Variants in CLCN3 observed in about 807,000 individuals in gnomAD.
The protein encoded by CLCN3 is H(+)/Cl(-) exchange transporter 3.
CLCN3 carries 16 observed loss-of-function variants against 83.4 expected under a neutral mutation model. That is an observed-to-expected ratio of 0.19 (90% CI 0.13 to 0.29). The LOEUF is 0.29. Ranked by LOEUF, CLCN3 falls within the 10% of genes least tolerant of loss-of-function variation. The probability of loss-of-function intolerance (pLI) is 1.00; values close to 1 mark genes in which losing one functional copy is unlikely to be tolerated. For synonymous variants in CLCN3, 322 were observed against 346.2 expected (o/e 0.93, Z 0.78); for missense variants, 544 against 1,006.0 (o/e 0.54, Z 6.21).
intron 1 of CLCN3, among the ~76,000 whole-genome samples, chr4:169,630,682 C>T (rs1773346898): frequency 6.6e-6 from 1 of 152,130 alleles, no homozygotes; most frequent in South Asian, 2.1e-4. Context: ...AGACACCTGC[C>T]ATCACTCCCG....
At chr4:169,690,690 A>G in intron 6 of CLCN3, 38 bp downstream of exon 6, 1 of 1,573,040 alleles carries the variant, frequency 6.4e-7, no homozygotes, top group Non-Finnish European at 8.7e-7. Flanking sequence ...AAACATTATT[A>G]TGATGCTTAT....
At position 169,710,328 on chromosome 4, in the gene CLCN3, G is replaced by A. The variant is rs376596577; in HGVS notation, c.2150-2751G>A. On this transcript the variant is annotated intron_variant, in intron 11 of 12. Coordinates refer to ENST00000513761, the MANE Select transcript of CLCN3 (RefSeq NM_001829.4). Reference sequence around the variant, plus strand: ...TTCTCAGGCTGGAATGCAGTGGCACGATCTTGGCTTACTTGATCCTCGACT... The same window carrying A: ...TTCTCAGGCTGGAATGCAGTGGCACAATCTTGGCTTACTTGATCCTCGACT... Among the ~76,000 whole-genome samples, 8 of 152,240 alleles carry A rather than the reference G, an allele frequency of 5.3e-5. No individual in the cohort carries two copies. In the South Asian group the frequency reaches 6.2e-4, roughly 12 times the overall value.
chr4:169,716,895 C>G (rs1581293263), intron 12 of CLCN3, among the ~76,000 whole-genome samples: 1 of 152,094 alleles, frequency 6.6e-6, no homozygotes, highest in Admixed American at 6.5e-5. Context: ...AAGGAAATGT[C>G]CAGTCATCCT....
intron 2 of CLCN3, among the ~76,000 whole-genome samples, chr4:169,655,950 T>G (rs1350226763): frequency 6.6e-6 from 1 of 152,228 alleles, no homozygotes; most frequent in Non-Finnish European, 1.5e-5. Context: ...TTTTTTCCAT[T>G]TATTTTCTGG....
chr4:169,697,807 T>G (rs935560766), intron 9 of CLCN3, 73 bp downstream of exon 9: 6 of 973,020 alleles, frequency 6.2e-6, no homozygotes, highest in Middle Eastern at 4.8e-4. Context: ...TGAGAGAGGT[T>G]GTTGTTTCAT....
chr4:169,675,935 T>C (rs1731658670), intron 2 of CLCN3, among the ~76,000 whole-genome samples: 1 of 152,226 alleles, frequency 6.6e-6, no homozygotes, highest in Non-Finnish European at 1.5e-5. Flanking sequence ...GCTGTCTCTA[T>C]GGTTCTATGA....
Position 169,686,928 on chromosome 4 carries a change from G to GT in CLCN3, c.319-729dup, listed in dbSNP as rs566419362. Reference sequence around the variant, plus strand: ...GTAGAGGACACTTTTGCCTTACACAGTAAAGAAAGAGCCTCTGGACTCTAC... The same window carrying GT: ...GTAGAGGACACTTTTGCCTTACACAGTTAAAGAAAGAGCCTCTGGACTCTAC... On this transcript the variant is annotated intron_variant, in intron 3 of 12. Coordinates refer to ENST00000513761, the MANE Select transcript of CLCN3 (RefSeq NM_001829.4). Among the ~76,000 whole-genome samples the GT allele has an allele frequency of 1.8e-4, 28 of 152,252 alleles. No individual in the cohort carries two copies. In the South Asian group the frequency reaches 5.8e-3, roughly 32 times the overall value.
chr4:169,659,295 A>C (rs1489212385), intron 2 of CLCN3, among the ~76,000 whole-genome samples: 1 of 152,124 alleles, frequency 6.6e-6, no homozygotes, highest in African/African-American at 2.4e-5. Context: ...TTTTGTTTTT[A>C]ATGACAGTTT....
intron 2 of CLCN3, among the ~76,000 whole-genome samples, chr4:169,675,926 CTGTCTCTA>C: frequency 6.6e-6 from 1 of 152,258 alleles, no homozygotes; most frequent in Non-Finnish European, 1.5e-5. Context: ...ATTTTCATAG[CTGTCTCTA>C]TGGTTCTATG....
chr4:169,622,406 G>A (rs1163757790), intron 1 of CLCN3, among the ~76,000 whole-genome samples: 2 of 151,990 alleles, frequency 1.3e-5, no homozygotes, highest in African/African-American at 2.4e-5. Flanking sequence ...ATTTTCAGAC[G>A]GCTCAGGAAG....
chr4:169,622,364 T>G (rs1773131409), intron 1 of CLCN3, among the ~76,000 whole-genome samples: 2 of 152,154 alleles, frequency 1.3e-5, no homozygotes, highest in South Asian at 4.1e-4. Context: ...AGTGGTAGGC[T>G]TTCCATTTCC....
At chr4:169,640,639 AT>A (rs943059913) in intron 2 of CLCN3, among the ~76,000 whole-genome samples, 13 of 152,092 alleles carry the variant, frequency 8.5e-5, no homozygotes, top group Non-Finnish European at 1.5e-4. Context: ...AAAATGCAAA[AT>A]TTTTTTATTG....
At chr4:169,663,118 A>T (rs1731112471) in intron 2 of CLCN3, 1 of 129,020 alleles carries the variant, frequency 7.8e-6, no homozygotes, top group African/African-American at 2.9e-5. Context: ...ATTCAGAGTG[A>T]GCATATATGT....
In CLCN3 at chr4:169,682,026, A is replaced by G. The variant is rs1186183408; in HGVS notation, c.318+1819A>G. On this transcript the variant is annotated intron_variant, in intron 3 of 12. Transcript: ENST00000513761. ...TGCAAATATTCTTCTTTGATACTACACTAAAGTGACAGTTGTTAGTTTCTT... is the reference window on the plus strand; with the variant it reads ...TGCAAATATTCTTCTTTGATACTACGCTAAAGTGACAGTTGTTAGTTTCTT... Among the ~76,000 whole-genome samples the G allele has an allele frequency of 2.0e-5, 3 of 152,202 alleles. No individual in the cohort carries two copies. In the East Asian group the frequency reaches 5.8e-4, roughly 29 times the overall value.
chr4:169,713,053 T>C, intron 11 of CLCN3, 26 bp from the exon 12 acceptor site: 1 of 1,563,730 alleles, frequency 6.4e-7, no homozygotes, highest in Non-Finnish European at 8.8e-7. Context: ...AGTTTAAAAG[T>C]GTTGGTCTCT....
Position 169,722,852 on chromosome 4 carries a change from T to C in CLCN3, c.*2855T>C, listed in dbSNP as rs1733682665. 6.6e-6 allele frequency: 1 copy of C among 152,226 alleles called. No individual in the cohort carries two copies. Among genetic ancestry groups the C allele is most frequent in the Non-Finnish European group, 1.5e-5 (1 of 68,042 alleles). 9.4% of individuals were successfully genotyped at this position (152,226 alleles called of 1,614,324 possible). A position where few individuals can be genotyped will look rare whatever the true frequency, so the allele number is the denominator to read the frequency against. ...TCATACATTGAAGTGTGTCTCCTTTTCAACCAAAATAATGAAATAGTGGAG... is the reference window on the plus strand; with the variant it reads ...TCATACATTGAAGTGTGTCTCCTTTCCAACCAAAATAATGAAATAGTGGAG... On this transcript the variant is annotated 3_prime_UTR_variant, in exon 13 of 13. Transcript: ENST00000513761.
intron 12 of CLCN3, among the ~76,000 whole-genome samples, chr4:169,718,458 A>G (rs1275986525): frequency 6.6e-6 from 1 of 152,156 alleles, no homozygotes; most frequent in Non-Finnish European, 1.5e-5. Flanking sequence ...GCATATCTTC[A>G]AAGTCACAGT....
intron 10 of CLCN3, among the ~76,000 whole-genome samples, chr4:169,704,594 G>C (rs1389591517): frequency 1.3e-5 from 2 of 152,122 alleles, no homozygotes; most frequent in African/African-American, 2.4e-5. Context: ...GTTTACTTTG[G>C]TTCTGAAATG....
At chr4:169,626,342 C>T (rs910131697) in intron 1 of CLCN3, among the ~76,000 whole-genome samples, 4 of 152,226 alleles carry the variant, frequency 2.6e-5, no homozygotes, top group Admixed American at 2.6e-4. Context: ...TCTCTGAATC[C>T]ACTCCTTTTG....
Sources: gnomAD v4.1 joint callset for allele counts (sites outside exome capture counted in the v4.1 genomes callset) on GRCh38, gnomAD v4.1.1 for gene constraint, MANE v1.5 for transcripts, NCBI Gene and HGNC (gene_info 2026-07-23, HGNC 2026-07-21) for gene names.